The following PTPN5 variants were observed in gnomAD, a reference collection of about 807,000 sequenced individuals.
PTPN5 encodes the protein protein tyrosine phosphatase non-receptor type 5, also known as tyrosine-protein phosphatase non-receptor type 5.
Under a neutral mutation model 73.9 loss-of-function variants are expected in PTPN5, and 29 were observed. That is an observed-to-expected ratio of 0.39 (90% CI 0.29 to 0.54). The LOEUF (loss-of-function observed/expected upper bound fraction) is 0.54, where lower values mean the gene tolerates loss of function less well. Among genes scored for constraint, PTPN5 ranks in the 20% least tolerant of loss-of-function variants. The probability of loss-of-function intolerance (pLI) is 0.65; values close to 1 mark genes in which losing one functional copy is unlikely to be tolerated. For missense variants in PTPN5, 652 were observed against 751.4 expected (o/e 0.87, Z 1.55); for synonymous variants, 267 against 304.7 (o/e 0.88, Z 1.29).
chr11:18,770,937 G>C (rs1564922483), intron 2 of PTPN5, among the ~76,000 whole-genome samples: 1 of 152,192 alleles, frequency 6.6e-6, no homozygotes, highest in Non-Finnish European at 1.5e-5. Flanking sequence ...CTGGGGGGTA[G>C]AGTGGGGGAT....
intron 1 of PTPN5, among the ~76,000 whole-genome samples, chr11:18,784,292 C>T (rs1283748253): frequency 6.6e-6 from 1 of 152,104 alleles, no homozygotes; most frequent in South Asian, 2.1e-4. Context: ...TGTGGTATAT[C>T]CATACAATGG....
At chr11:18,746,162 A>AATAAATATATATAT in intron 3 of PTPN5, among the ~76,000 whole-genome samples, 1 of 67,672 alleles carries the variant, frequency 1.5e-5, no homozygotes, top group African/African-American at 4.4e-5. Context: ...TATAAATATA[A>AATAAATATATATAT]ATATATATAT....
Position 18,742,784 on chromosome 11 carries a change from C to T in PTPN5, c.483+208G>A, listed in dbSNP as rs1849430279. ...TACACCAGTCTTCTCCCTGTCTCAT[C>T]CCCTTTCCTTAGCCCAGATCACTGC... is the stretch of plus-strand genomic sequence containing the variant. On this transcript the variant is annotated intron_variant, in intron 6 of 14. Coordinates refer to ENST00000358540, the MANE Select transcript of PTPN5 (RefSeq NM_006906.2). The surrounding 1 kb of genome is among the most constrained non-coding windows in gnomAD (Gnocchi z 4.1). Among the ~76,000 whole-genome samples the T allele has an allele frequency of 6.6e-6, 1 of 152,194 alleles. No individual in the cohort carries two copies. Among genetic ancestry groups the T allele is most frequent in the African/African-American group, 2.4e-5 (1 of 41,448 alleles).
At chr11:18,735,981 A>G (rs560469846) in intron 9 of PTPN5, among the ~76,000 whole-genome samples, 4 of 152,358 alleles carry the variant, frequency 2.6e-5, no homozygotes, top group African/African-American at 9.6e-5. Flanking sequence ...AGGGCTGTCC[A>G]GCCTGGCACG....
At chr11:18,754,095 A>G (rs939660927) in intron 3 of PTPN5, among the ~76,000 whole-genome samples, 1 of 152,212 alleles carries the variant, frequency 6.6e-6, no homozygotes, top group African/African-American at 2.4e-5. Context: ...AGTATGGCCC[A>G]CTGGAGATAA....
rs186603036 is a variant in PTPN5 at position 18,746,971 on chromosome 11, T to G, written c.98-2772A>C. Among the ~76,000 whole-genome samples, 9 of 152,300 alleles carry G rather than the reference T, an allele frequency of 5.9e-5. No homozygotes were observed. The East Asian group carries it at 1.5e-3, about 26-fold the overall frequency. On this transcript the variant is annotated intron_variant, in intron 3 of 14. Coordinates refer to ENST00000358540, the MANE Select transcript of PTPN5 (RefSeq NM_006906.2). Reference sequence around the variant, plus strand: ...CAGGGGTTACCTGGCTTCTGTGCCTTGGTTCTGCAGAGCACATACTTGGAC... The same window carrying G: ...CAGGGGTTACCTGGCTTCTGTGCCTGGGTTCTGCAGAGCACATACTTGGAC...
At position 18,744,107 on chromosome 11, in the gene PTPN5, G is replaced by C; in HGVS notation, c.190C>G (p.Pro64Ala). The C allele has an allele frequency of 6.2e-7, 1 of 1,611,488 alleles. No homozygotes were observed. Among genetic ancestry groups the C allele is most frequent in the Non-Finnish European group, 8.5e-7 (1 of 1,179,018 alleles). The stretch of plus-strand genomic sequence containing the variant: ...GGCTTCTGAGCTGGATCTGAGGGCG[G>C]CGAGGGAGGAGGGGGTGGCGGCATC... ...REMPPPPPPSPPSDPAQKPPP... is the reference protein window; with the variant it reads ...REMPPPPPPSAPSDPAQKPPP... The change falls in exon 4 of 15, where the codon CCG becomes GCG. Residue 64 changes from proline to alanine, a missense_variant. By Grantham distance (27) the Pro-to-Ala change is conservative. Around this residue, in one of 3 missense-constraint regions of PTPN5, gnomAD observed 529 missense variants for 573.9 expected, o/e 0.92. Transcript: ENST00000358540.
In PTPN5 at chr11:18,733,089, C is replaced by G; in HGVS notation, c.1218+146G>C. The G allele has an allele frequency of 2.4e-6, 3 of 1,262,766 alleles. No individual in the cohort carries two copies. The South Asian group carries it at 4.3e-5, about 18-fold the overall frequency. The allele number at this position is 1,262,766 out of a possible 1,614,324, so 78.2% of individuals were successfully genotyped here. A position where few individuals can be genotyped will look rare whatever the true frequency, so the allele number is the denominator to read the frequency against. ...TGAAGCCCGGGGCAAATGACTTAAC[C>G]TTACCGAGCCTCACATCTCCTCATC... On this transcript the variant is annotated intron_variant, in intron 11 of 14. Coordinates refer to ENST00000358540, the MANE Select transcript of PTPN5 (RefSeq NM_006906.2). This position sits in a 1 kb window ranked among gnomAD's most constrained non-coding sequence, Gnocchi z 4.3.
chr11:18,749,876 G>C (rs184710654), intron 3 of PTPN5, among the ~76,000 whole-genome samples: 2 of 152,202 alleles, frequency 1.3e-5, no homozygotes, highest in African/African-American at 2.4e-5. Context: ...GGAGTGGAAG[G>C]CTGGCTCAGT....
In PTPN5 at chr11:18,731,551, T is replaced by C. The variant is rs557682302; in HGVS notation, c.1329+1041A>G. On this transcript the variant is annotated intron_variant, in intron 12 of 14. Coordinates refer to ENST00000358540, the MANE Select transcript of PTPN5 (RefSeq NM_006906.2). ...AGCAGCCCTGCCTCATCTCAGCCTG[T>C]CTTTCTGGGGAATTTCTACTCAGGA... Among the ~76,000 whole-genome samples, 36 of 152,342 alleles carry C rather than the reference T, an allele frequency of 2.4e-4. 1 individual carries two copies. The South Asian group carries it at 7.2e-3, about 31-fold the overall frequency.
Position 18,728,722 on chromosome 11 carries a change from T to G in PTPN5, c.*212A>C. On this transcript the variant is annotated 3_prime_UTR_variant, in exon 15 of 15. Transcript: ENST00000358540. This position sits in a 1 kb window ranked among gnomAD's most constrained non-coding sequence, Gnocchi z 4.1. ...CCGGGGCCCCAGGCCTGGCCTGGCA[T>G]GTCCCTTCCCGACCCTGCCCCCCAC... 4 of 505,154 alleles carry G rather than the reference T, an allele frequency of 7.9e-6. No homozygotes were observed. The highest frequency in any genetic ancestry group is 1.4e-5 in the Non-Finnish European group (4 of 291,674). 31.3% of individuals were successfully genotyped at this position (505,154 alleles called of 1,614,324 possible).
chr11:18,786,332 A>C (rs1851668274), intron 1 of PTPN5, among the ~76,000 whole-genome samples: 1 of 151,908 alleles, frequency 6.6e-6, no homozygotes, highest in Non-Finnish European at 1.5e-5. Context: ...CCTCCTGAGT[A>C]GCTGGGACTA....
intron 3 of PTPN5, among the ~76,000 whole-genome samples, chr11:18,750,742 A>G (rs1254120547): frequency 6.6e-6 from 1 of 152,162 alleles, no homozygotes; most frequent in Non-Finnish European, 1.5e-5. Context: ...GCTGTTCAAT[A>G]GTCACAACTG....
chr11:18,749,288 T>C, intron 3 of PTPN5: 1 of 466,098 alleles, frequency 2.1e-6, no homozygotes, highest in Non-Finnish European at 4.3e-6. Flanking sequence ...ACTCACCTCT[T>C]GCACAGGATG....
chr11:18,758,783 G>T (rs745664617), intron 3 of PTPN5, among the ~76,000 whole-genome samples: 8 of 152,118 alleles, frequency 5.3e-5, no homozygotes, highest in Non-Finnish European at 1.0e-4. Flanking sequence ...CATATGTTAG[G>T]AGTACGATGG....
chr11:18,746,379 A>T (rs1257079978), intron 3 of PTPN5, among the ~76,000 whole-genome samples: 1 of 151,498 alleles, frequency 6.6e-6, no homozygotes, highest in African/African-American at 2.4e-5. Flanking sequence ...TTTAGTAGAG[A>T]CAGGGTTTCA....
At chr11:18,762,082 G>C (rs1307288519) in intron 3 of PTPN5, among the ~76,000 whole-genome samples, 1 of 152,190 alleles carries the variant, frequency 6.6e-6, no homozygotes, top group Admixed American at 6.5e-5. Flanking sequence ...GGGGCATTGG[G>C]GGGAGCTCCC....
At chr11:18,771,028 T>C (rs1850869398) in intron 2 of PTPN5, among the ~76,000 whole-genome samples, 1 of 152,156 alleles carries the variant, frequency 6.6e-6, no homozygotes, top group African/African-American at 2.4e-5. Context: ...GAGAAAGAGC[T>C]GGCTGGTTTG....
At chr11:18,761,821 G>T (rs969765103) in intron 3 of PTPN5, among the ~76,000 whole-genome samples, 2 of 152,168 alleles carry the variant, frequency 1.3e-5, no homozygotes, top group African/African-American at 4.8e-5. Context: ...TGGAAGCCGC[G>T]GGATGGAGGG....
Sources: gnomAD v4.1 joint callset for allele counts (sites outside exome capture counted in the v4.1 genomes callset) on GRCh38, gnomAD v4.1.1 for gene constraint, gnomAD v4.1.1 regional missense constraint, Gnocchi (gnomAD v3.1) non-coding constraint, MANE v1.5 for transcripts, NCBI Gene and HGNC (gene_info 2026-07-23, HGNC 2026-07-21) for gene names.